The following SLC22A23 variants were observed in gnomAD, a reference collection of about 807,000 sequenced individuals.
The protein encoded by SLC22A23 is ion transporter protein.
A neutral mutation model predicts 61.0 loss-of-function variants in SLC22A23; 26 were observed. The ratio of observed to expected loss-of-function variants is 0.43; its 90% confidence interval spans 0.31 to 0.59. SLC22A23 has a LOEUF of 0.59. Among genes scored for constraint, SLC22A23 ranks in the 20% least tolerant of loss-of-function variants. The pLI, the probability that SLC22A23 is intolerant of heterozygous loss-of-function variation, is 0.11. For synonymous variants in SLC22A23, 430 were observed against 413.9 expected, an observed-to-expected ratio of 1.04 and a Z score of -0.47; for missense variants, 796 against 934.7, an observed-to-expected ratio of 0.85 and a Z score of 1.94.
chr6:3,289,914 G>A, intron 5 of SLC22A23, 48 bp from the exon 6 acceptor site: 1 of 1,515,876 alleles, frequency 6.6e-7, no homozygotes, highest in Non-Finnish European at 9.1e-7. Context: ...GCCCACAGAG[G>A]ACAGGACAGC....
At chr6:3,347,186 A>G (rs1221292799) in intron 3 of SLC22A23, among the ~76,000 whole-genome samples, 3 of 152,214 alleles carry the variant, frequency 2.0e-5, no homozygotes, top group Non-Finnish European at 2.9e-5. Context: ...CACGCCACTC[A>G]TGGACTTAAC....
intron 7 of SLC22A23, among the ~76,000 whole-genome samples, chr6:3,285,949 G>C (rs988645033): frequency 6.6e-6 from 1 of 152,160 alleles, no homozygotes; most frequent in Non-Finnish European, 1.5e-5. Flanking sequence ...TGGGAGAAGA[G>C]GCTCATCGGT....
At chr6:3,381,384 C>CT (rs1766943216) in intron 3 of SLC22A23, among the ~76,000 whole-genome samples, 1 of 152,198 alleles carries the variant, frequency 6.6e-6, no homozygotes, top group South Asian at 2.1e-4. Flanking sequence ...CCTAGGACAC[C>CT]TTTTGTCTAT....
intron 4 of SLC22A23, among the ~76,000 whole-genome samples, chr6:3,307,529 G>A (rs533346652): frequency 1.1e-3 from 174 of 152,326 alleles, no homozygotes; most frequent in African/African-American, 3.7e-3. Flanking sequence ...CCCTCCTCAC[G>A]GAGCCCTGCG....
intron 1 of SLC22A23, among the ~76,000 whole-genome samples, chr6:3,417,571 A>G (rs1769813666): frequency 6.6e-6 from 1 of 152,224 alleles, no homozygotes. Context: ...GACCAGCAGC[A>G]TCAGCACCAC....
At chr6:3,415,913 C>G (rs1769663954) in intron 1 of SLC22A23, 58 bp from the exon 2 acceptor site, 1 of 1,318,054 alleles carries the variant, frequency 7.6e-7, no homozygotes, top group Admixed American at 2.0e-5. Context: ...GCTAGTCGTA[C>G]TCAATTATAA....
intron 1 of SLC22A23, among the ~76,000 whole-genome samples, chr6:3,441,264 G>A (rs1771575325): frequency 6.6e-6 from 1 of 152,116 alleles, no homozygotes; most frequent in Non-Finnish European, 1.5e-5. Context: ...AGACCCTTTG[G>A]GTGGACACGA....
chr6:3,453,417 G>A (rs1459476892), intron 1 of SLC22A23, among the ~76,000 whole-genome samples: 2 of 152,082 alleles, frequency 1.3e-5, no homozygotes, highest in Non-Finnish European at 2.9e-5. Context: ...AACTAGGATG[G>A]ATAACTTCAT....
At chr6:3,444,170 T>A (rs913033461) in intron 1 of SLC22A23, among the ~76,000 whole-genome samples, 1 of 152,168 alleles carries the variant, frequency 6.6e-6, no homozygotes, top group African/African-American at 2.4e-5. Flanking sequence ...GGAATCCACT[T>A]CATGCACTCA....
At chr6:3,409,818 T>C (rs746514632) in intron 3 of SLC22A23, among the ~76,000 whole-genome samples, 1 of 152,172 alleles carries the variant, frequency 6.6e-6, no homozygotes, top group Non-Finnish European at 1.5e-5. Context: ...TGTGGAAAGT[T>C]TGGATTCTGT....
intron 3 of SLC22A23, among the ~76,000 whole-genome samples, chr6:3,338,729 A>C (rs1337278194): frequency 6.6e-6 from 1 of 152,236 alleles, no homozygotes; most frequent in Non-Finnish European, 1.5e-5. Context: ...CTTCATAATT[A>C]TGTGATAATG....
intron 3 of SLC22A23, among the ~76,000 whole-genome samples, chr6:3,378,624 T>C (rs1766738555): frequency 6.6e-6 from 1 of 151,676 alleles, no homozygotes; most frequent in African/African-American, 2.4e-5. Flanking sequence ...TGAACCTCTC[T>C]CTGTGTCAGA....
chr6:3,337,985 C>T (rs1304006268), intron 3 of SLC22A23, among the ~76,000 whole-genome samples: 2 of 152,260 alleles, frequency 1.3e-5, no homozygotes, highest in Non-Finnish European at 2.9e-5. Context: ...CACCCCCAGA[C>T]TCCCTCCCTT....
intron 1 of SLC22A23, among the ~76,000 whole-genome samples, chr6:3,434,566 G>T (rs913573690): frequency 6.6e-6 from 1 of 151,680 alleles, no homozygotes; most frequent in African/African-American, 2.4e-5. Context: ...CAGAGATCGC[G>T]CCACTGCACT....
At chr6:3,307,112 C>T (rs756336191) in intron 4 of SLC22A23, among the ~76,000 whole-genome samples, 21 of 152,188 alleles carry the variant, frequency 1.4e-4, no homozygotes, top group East Asian at 3.9e-4. Flanking sequence ...GCTGAGCAGA[C>T]GGCATACGGC....
chr6:3,309,638 G>A lies in SLC22A23; in HGVS notation c.1083-11420C>T, dbSNP rs113338851. On this transcript the variant is annotated intron_variant, in intron 4 of 9. Transcript: ENST00000406686. The surrounding 1 kb of genome is among the most constrained non-coding windows in gnomAD (Gnocchi z 4.7). ...TGACGAGCAGGTGGCAGGAGGCAGC[G>A]GGCCAGCTGCACACAGGCGTTCCAG... is the stretch of plus-strand genomic sequence containing the variant. 4.0e-5 allele frequency among the ~76,000 whole-genome samples: 6 copies of A among 151,064 alleles called. No homozygotes were observed. The highest frequency in any genetic ancestry group is 1.2e-4 in the African/African-American group (5 of 40,448).
chr6:3,273,621 T>G (rs974611254), intron 9 of SLC22A23, among the ~76,000 whole-genome samples: 2 of 152,246 alleles, frequency 1.3e-5, no homozygotes, highest in Non-Finnish European at 2.9e-5. Flanking sequence ...TTTTTCCTCA[T>G]CAAATCAAAA....
At chr6:3,298,335 G>A (rs905696403) in intron 4 of SLC22A23, 117 bp from the exon 5 acceptor site, 106 of 1,126,262 alleles carry the variant, frequency 9.4e-5, no homozygotes, top group Middle Eastern at 2.6e-4. Flanking sequence ...CTCCAGACAC[G>A]CATCAGCCCA....
intron 3 of SLC22A23, among the ~76,000 whole-genome samples, chr6:3,348,236 T>G (rs978838230): frequency 6.6e-6 from 1 of 152,132 alleles, no homozygotes; most frequent in Non-Finnish European, 1.5e-5. Flanking sequence ...GATGTGGGGA[T>G]GTGGGGAAGT....
Sources: gnomAD v4.1 joint callset for allele counts (sites outside exome capture counted in the v4.1 genomes callset) on GRCh38, gnomAD v4.1.1 for gene constraint, Gnocchi (gnomAD v3.1) non-coding constraint, MANE v1.5 for transcripts, NCBI Gene and HGNC (gene_info 2026-07-23, HGNC 2026-07-21) for gene names.